The following PRDM2 variants were observed in gnomAD, a reference collection of about 807,000 sequenced individuals.
PRDM2 encodes the protein PR domain zinc finger protein 2.
In PRDM2, 30 loss-of-function variants were observed where a neutral mutation model predicts 130.0. That is an observed-to-expected ratio of 0.23 (90% CI 0.17 to 0.31). The LOEUF (loss-of-function observed/expected upper bound fraction) is 0.31, where lower values mean the gene tolerates loss of function less well. Ranked by LOEUF, PRDM2 falls within the 10% of genes least tolerant of loss-of-function variation. The pLI, the probability that PRDM2 is intolerant of heterozygous loss-of-function variation, is 1.00. For synonymous variants in PRDM2, 871 were observed against 782.4 expected, an observed-to-expected ratio of 1.11 and a Z score of -1.89; for missense variants, 2,011 against 2,108.4, an observed-to-expected ratio of 0.95 and a Z score of 0.90.
rs1645036183 is a variant in PRDM2, at chr1:13,803,246, C to T, written c.5037-13181C>T. On this transcript the variant is annotated intron_variant, in intron 8 of 9. Transcript: ENST00000311066. The surrounding 1 kb of genome is among the most constrained non-coding windows in gnomAD (Gnocchi z 6.2). Reference sequence around the variant, plus strand: ...CTGGGAGGATTTGGTTCTTGAGCAGCATGGACAGGCACATTTCAGGGTTGA... The same window carrying T: ...CTGGGAGGATTTGGTTCTTGAGCAGTATGGACAGGCACATTTCAGGGTTGA... Among the ~76,000 whole-genome samples, 1 of 152,202 alleles carries T rather than the reference C, an allele frequency of 6.6e-6. No individual in the cohort carries two copies. Among genetic ancestry groups the T allele is most frequent in the Non-Finnish European group, 1.5e-5 (1 of 68,054 alleles).
At chr1:13,762,967 G>T (rs979781185) in intron 6 of PRDM2, among the ~76,000 whole-genome samples, 4 of 152,182 alleles carry the variant, frequency 2.6e-5, no homozygotes, top group African/African-American at 9.7e-5. Context: ...CTGAAAACCT[G>T]TGCTGGAATA....
chr1:13,790,104 T>G (rs1394139723), intron 8 of PRDM2, among the ~76,000 whole-genome samples: 1 of 152,202 alleles, frequency 6.6e-6, no homozygotes, highest in East Asian at 1.9e-4. Flanking sequence ...TCAAAACCAC[T>G]AGTTCCAAGG....
intron 8 of PRDM2, chr1:13,786,396 G>A: frequency 7.3e-7 from 1 of 1,376,760 alleles, no homozygotes; most frequent in East Asian, 2.3e-5. Context: ...CTTCAGTCAT[G>A]TATGTGTTGT....
intron 8 of PRDM2, among the ~76,000 whole-genome samples, chr1:13,793,834 C>T (rs368937251): frequency 2.6e-5 from 4 of 151,024 alleles, no homozygotes; most frequent in East Asian, 1.9e-4. Flanking sequence ...AGAAAGATAT[C>T]GCAAAAAAAA....
intron 5 of PRDM2, among the ~76,000 whole-genome samples, chr1:13,746,568 ATTTT>A (rs1284616201): frequency 8.2e-5 from 12 of 146,202 alleles, no homozygotes; most frequent in African/African-American, 2.6e-4. Context: ...TTATTTATTT[ATTTT>A]TTAAGATAGG....
At position 13,700,278 on chromosome 1, in the gene PRDM2, A is replaced by C. The variant is rs1642025040; in HGVS notation, c.-88A>C. 1.3e-5 allele frequency: 2 copies of C among 149,534 alleles called. No individual in the cohort carries two copies. The highest frequency in any genetic ancestry group is 3.5e-4 in the South Asian group (2 of 5,652). The allele number at this position is 149,534 out of a possible 1,614,324, so 9.3% of individuals were successfully genotyped here. On this transcript the variant is annotated 5_prime_UTR_variant, in exon 1 of 10. An upstream open reading frame in the 5' UTR loses its in-frame stop. Transcript: ENST00000311066. The stretch of plus-strand genomic sequence containing the variant: ...GGCGGCGGCGGCCCTCGGTGCTCTG[A>C]GGCGCTGGCGCGGCGGGCGCGGGTA...
chr1:13,704,833 A>G (rs962253085), intron 1 of PRDM2: 1 of 152,270 alleles, frequency 6.6e-6, no homozygotes, highest in African/African-American at 2.4e-5. Flanking sequence ...AATGTAAATT[A>G]AATATAAATT....
rs746182265 is a variant in PRDM2, at chr1:13,780,582, G to A, written c.2787G>A (p.Pro929=). 1.7e-5 allele frequency: 28 copies of A among 1,614,032 alleles called. No individual in the cohort carries two copies. The highest frequency in any genetic ancestry group is 3.3e-5 in the South Asian group (3 of 91,062). The change falls in exon 8 of 10, where the codon CCG becomes CCA. Residue 929 remains proline (P), a synonymous_variant. Coordinates refer to ENST00000311066, the MANE Select transcript of PRDM2 (RefSeq NM_001393986.1). The part of the protein sequence containing the change: ...LEAQPDPDLG[P]GSGFPAPTVE... Reference sequence around the variant, plus strand: ...CTCAGCCAGATCCTGACCTCGGTCCGGGCTCTGGTTTCCCTGCCCCTACTG... The same window carrying A: ...CTCAGCCAGATCCTGACCTCGGTCCAGGCTCTGGTTTCCCTGCCCCTACTG...
In PRDM2 at chr1:13,803,288, G is replaced by A. The variant is rs552854828; in HGVS notation, c.5037-13139G>A. 6.6e-6 allele frequency among the ~76,000 whole-genome samples: 1 copy of A among 152,322 alleles called. No individual in the cohort carries two copies. Among genetic ancestry groups the A allele is most frequent in the African/African-American group, 2.4e-5 (1 of 41,562 alleles). On this transcript the variant is annotated intron_variant, in intron 8 of 9. Coordinates refer to ENST00000311066, the MANE Select transcript of PRDM2 (RefSeq NM_001393986.1). The surrounding 1 kb of genome is among the most constrained non-coding windows in gnomAD (Gnocchi z 6.2). ...CAGGGTTGAACCGCACCAGGAGCCT[G>A]GCTTTGCCATCCATTTGTTCAGGAA... is the stretch of plus-strand genomic sequence containing the variant.
chr1:13,740,358 A>G (rs143145639), intron 4 of PRDM2, among the ~76,000 whole-genome samples: 8 of 152,316 alleles, frequency 5.3e-5, no homozygotes, highest in African/African-American at 1.7e-4. Flanking sequence ...GGACTTTGCC[A>G]TCACTGCAGT....
In PRDM2 at chr1:13,782,724, G is replaced by A. The variant is rs1296043026; in HGVS notation, c.4929G>A (p.Glu1643=). 1.9e-6 allele frequency: 3 copies of A among 1,613,720 alleles called. No homozygotes were observed. The highest frequency in any genetic ancestry group is 2.2e-5 in the East Asian group (1 of 44,896). Residue 1643 remains glutamate (E), a synonymous_variant, in exon 8 of 10, where the codon GAG becomes GAA. Coordinates refer to ENST00000311066, the MANE Select transcript of PRDM2 (RefSeq NM_001393986.1). ...ACCGGTTCAATATAAAATCTAGAGA[G>A]CGGAGTGGGGGGCCAGTCACCCGGA... ...RTDRFNIKSR[E]RSGGPVTRSL... is the part of the protein sequence containing the mutation.
chr1:13,812,487 G>C (rs150642546), intron 8 of PRDM2, among the ~76,000 whole-genome samples: 65 of 152,362 alleles, frequency 4.3e-4, no homozygotes, highest in Non-Finnish European at 5.7e-4. Flanking sequence ...ACAACAACAC[G>C]TTTGGCAGTG....
In PRDM2 at chr1:13,779,678, C is replaced by G. The variant is rs1644561798; in HGVS notation, c.1883C>G (p.Pro628Arg). Reference sequence around the variant, plus strand: ...GTAACAGAAGATCTTCCTAAAGAGCCTTTGGGCAGCACAAATAGTGAGGCC... The same window carrying G: ...GTAACAGAAGATCTTCCTAAAGAGCGTTTGGGCAGCACAAATAGTGAGGCC... ...VPVTEDLPKEPLGSTNSEAKK... is the reference protein window; with the variant it reads ...VPVTEDLPKERLGSTNSEAKK... The change falls in exon 8 of 10, where the codon CCT becomes CGT. Residue 628 changes from proline (P) to arginine (R), a missense_variant. Around this residue, in one of 5 missense-constraint regions of PRDM2, gnomAD observed 1,288 missense variants for 1,237.7 expected, o/e 1.04. Coordinates refer to ENST00000311066, the MANE Select transcript of PRDM2 (RefSeq NM_001393986.1). The surrounding 1 kb of genome is among the most constrained non-coding windows in gnomAD (Gnocchi z 4.9). The G allele has an allele frequency of 1.9e-6, 3 of 1,614,034 alleles. No individual in the cohort carries two copies. Among genetic ancestry groups the G allele is most frequent in the Non-Finnish European group, 2.5e-6 (3 of 1,180,002 alleles).
rs146421990 is a variant in PRDM2, at chr1:13,756,367, C to T, written c.511+6880C>T. 7.8e-3 allele frequency among the ~76,000 whole-genome samples: 1,188 copies of T among 152,024 alleles called. 4 individuals carry two copies. The highest frequency in any genetic ancestry group is 0.027 in the Middle Eastern group (8 of 292). Reference sequence around the variant, plus strand: ...TTTTAGTTAAATGTTGTATGGTGAACTGAAGCTGAAGTTTCAGGTAGACTG... The same window carrying T: ...TTTTAGTTAAATGTTGTATGGTGAATTGAAGCTGAAGTTTCAGGTAGACTG... On this transcript the variant is annotated intron_variant, in intron 6 of 9. Transcript: ENST00000311066.
rs552121176 is a variant in PRDM2 at position 13,732,014 on chromosome 1, T to C, written c.128-765T>C. Among the ~76,000 whole-genome samples the C allele has an allele frequency of 4.4e-4, 67 of 152,250 alleles. 1 individual carries two copies. Among genetic ancestry groups the C allele is most frequent in the African/African-American group, 1.4e-3 (59 of 41,554 alleles). On this transcript the variant is annotated intron_variant, in intron 3 of 9. Coordinates refer to ENST00000311066, the MANE Select transcript of PRDM2 (RefSeq NM_001393986.1). ...CTAGCAGGATAGGACTGGCCCAGCC[T>C]TTACCCCCCATTCTGTATATGAGGA...
Position 13,780,512 on chromosome 1 carries a change from C to A in PRDM2, c.2717C>A (p.Pro906His). ...YNGIDLPVEN[P>H]ADGTRSPSPC... is the part of the protein sequence containing the mutation. ...GGCATCGATTTACCTGTAGAAAACC[C>A]TGCAGATGGGACCAGGAGCCCAAGT... The change falls in exon 8 of 10, where the codon CCT becomes CAT. Residue 906 changes from proline to histidine, a missense_variant. Physicochemically the swap from Pro to His is moderately conservative, Grantham distance 77. Coordinates refer to ENST00000311066, the MANE Select transcript of PRDM2 (RefSeq NM_001393986.1). The A allele has an allele frequency of 6.2e-7, 1 of 1,614,216 alleles. No individual in the cohort carries two copies. The highest frequency in any genetic ancestry group is 8.5e-7 in the Non-Finnish European group (1 of 1,180,046).
chr1:13,711,850 T>C (rs1338279306), intron 1 of PRDM2, among the ~76,000 whole-genome samples: 1 of 152,068 alleles, frequency 6.6e-6, no homozygotes, highest in Non-Finnish European at 1.5e-5. Flanking sequence ...CACACAGATA[T>C]ATAGTGAATC....
At chr1:13,778,269 G>A (rs1644524016) in intron 7 of PRDM2, 149 bp from the exon 8 acceptor site, 1 of 830,300 alleles carries the variant, frequency 1.2e-6, no homozygotes, top group African/African-American at 1.7e-5. Flanking sequence ...TGTCAATTAA[G>A]TATATAAAGT....
At chr1:13,717,219 G>A (rs919974326) in intron 2 of PRDM2, among the ~76,000 whole-genome samples, 1 of 152,184 alleles carries the variant, frequency 6.6e-6, no homozygotes, top group Non-Finnish European at 1.5e-5. Context: ...TTTTGAAATG[G>A]TGAGATGGGG....
Sources: allele counts gnomAD v4.1 joint callset (sites outside exome capture counted in the v4.1 genomes callset), GRCh38; gene constraint gnomAD v4.1.1; regional missense constraint gnomAD v4.1.1; non-coding constraint Gnocchi (gnomAD v3.1); transcripts MANE v1.5; gene names NCBI Gene and HGNC (gene_info 2026-07-23, HGNC 2026-07-21).